PDE10A: variants seen among roughly 807,000 people sequenced by gnomAD.
PDE10A encodes the protein cAMP and cAMP-inhibited cGMP 3',5'-cyclic phosphodiesterase 10A.
A neutral mutation model predicts 97.7 loss-of-function variants in PDE10A; 39 were observed. That is an observed-to-expected ratio of 0.40 (90% CI 0.31 to 0.52). PDE10A has a LOEUF of 0.52. Ranked by LOEUF, PDE10A falls within the 20% of genes least tolerant of loss-of-function variation. The pLI is 0.56. For missense variants in PDE10A, 731 were observed against 1,047.8 expected (o/e 0.70, Z 4.17); for synonymous variants, 371 against 376.8 (o/e 0.98, Z 0.18).
At chr6:165,614,954 G>A (rs1393546419) in intron 1 of PDE10A, among the ~76,000 whole-genome samples, 1 of 152,134 alleles carries the variant, frequency 6.6e-6, no homozygotes, top group Non-Finnish European at 1.5e-5. Context: ...GCTCACGCCT[G>A]TAATACTAGC....
chr6:165,493,040 C>T (rs1007875518), intron 2 of PDE10A, among the ~76,000 whole-genome samples: 2 of 152,132 alleles, frequency 1.3e-5, no homozygotes, highest in African/African-American at 4.8e-5. Context: ...TATACACCAA[C>T]AGCGACCAAG....
At chr6:165,558,034 T>A (rs1022795687) in intron 1 of PDE10A, among the ~76,000 whole-genome samples, 2 of 152,156 alleles carry the variant, frequency 1.3e-5, no homozygotes, top group African/African-American at 4.8e-5. Context: ...ATGCCTAACC[T>A]ATGGAGCGTG....
At chr6:165,352,462 T>C (rs368520067) in intron 18 of PDE10A, among the ~76,000 whole-genome samples, 21 of 152,210 alleles carry the variant, frequency 1.4e-4, no homozygotes, top group African/African-American at 4.8e-4. Flanking sequence ...CCAAAAAAGA[T>C]CACCTAAGAA....
At chr6:165,634,572 T>C (rs1350214075) in intron 1 of PDE10A, among the ~76,000 whole-genome samples, 1 of 151,346 alleles carries the variant, frequency 6.6e-6, no homozygotes, top group Non-Finnish European at 1.5e-5. Context: ...TAAACTGAAA[T>C]GAAAAAGAAG....
At chr6:165,539,266 A>G (rs1269797888) in intron 2 of PDE10A, among the ~76,000 whole-genome samples, 2 of 152,226 alleles carry the variant, frequency 1.3e-5, no homozygotes, top group Non-Finnish European at 2.9e-5. Flanking sequence ...CTGAAATGAA[A>G]ATGCTATGAA....
Position 165,671,596 on chromosome 6 carries a change from G to A in PDE10A, c.-614-128028C>T, listed in dbSNP as rs557193151. On this transcript the variant is annotated intron_variant, in intron 1 of 19. Coordinates refer to the PDE10A transcript ENST00000366882. This position sits in a 1 kb window ranked among gnomAD's most constrained non-coding sequence, Gnocchi z 4.6. ...AATTAATTCACTTCCATCACTACTC[G>A]TAGAAGCCCTTAGAGGCAGCTTTAA... Among the ~76,000 whole-genome samples the A allele has an allele frequency of 6.7e-4, 102 of 152,074 alleles. No individual in the cohort carries two copies. The highest frequency in any genetic ancestry group is 9.3e-4 in the Non-Finnish European group (63 of 68,028).
At chr6:165,855,313 G>A (rs969848616) in intron 1 of PDE10A, among the ~76,000 whole-genome samples, 7 of 151,062 alleles carry the variant, frequency 4.6e-5, no homozygotes, top group African/African-American at 9.7e-5. Context: ...GGCGGGGGGG[G>A]GGGGGGACTC....
chr6:165,628,399 T>C (rs1788483221), intron 1 of PDE10A, among the ~76,000 whole-genome samples: 1 of 152,060 alleles, frequency 6.6e-6, no homozygotes, highest in Non-Finnish European at 1.5e-5. Flanking sequence ...CTGCCTAGGC[T>C]AGAGGGCAGT....
chr6:165,636,278 T>G (rs757733768), intron 1 of PDE10A, among the ~76,000 whole-genome samples: 1 of 152,124 alleles, frequency 6.6e-6, no homozygotes, highest in African/African-American at 2.4e-5. Context: ...TCACTGGCTA[T>G]GTGAAAAGGA....
chr6:165,525,199 A>T (rs868139139), intron 2 of PDE10A, among the ~76,000 whole-genome samples: 1 of 152,168 alleles, frequency 6.6e-6, no homozygotes, highest in Non-Finnish European at 1.5e-5. Context: ...TGTTTGAGTT[A>T]TCTAATTTAT....
intron 18 of PDE10A, among the ~76,000 whole-genome samples, chr6:165,368,507 A>T (rs1458724254): frequency 6.6e-6 from 1 of 152,218 alleles, no homozygotes; most frequent in Non-Finnish European, 1.5e-5. Flanking sequence ...AAAAATGCAT[A>T]CTGTAAACTC....
chr6:165,382,268 C>G (rs560220403), intron 17 of PDE10A, among the ~76,000 whole-genome samples: 5 of 152,264 alleles, frequency 3.3e-5, no homozygotes, highest in African/African-American at 1.2e-4. Context: ...CTCCTTCCAG[C>G]CCTTAATCAT....
intron 3 of PDE10A, among the ~76,000 whole-genome samples, chr6:165,451,124 C>A (rs1429579583): frequency 1.3e-5 from 2 of 152,126 alleles, no homozygotes; most frequent in Non-Finnish European, 2.9e-5. Context: ...TATGGCTCCA[C>A]CTTGGTCTGC....
intron 1 of PDE10A, among the ~76,000 whole-genome samples, chr6:165,619,241 GGTGTA>G (rs1787911125): frequency 9.1e-6 from 1 of 109,706 alleles, no homozygotes. Context: ...AGACTAGTGT[GGTGTA>G]GTGTAGTCTA....
At chr6:165,434,043 T>TAAA (rs1789819225) in intron 6 of PDE10A, among the ~76,000 whole-genome samples, 9 of 124,720 alleles carry the variant, frequency 7.2e-5, no homozygotes, top group African/African-American at 3.0e-4. Context: ...AAAAAAGAAG[T>TAAA]AGTACAGGGA....
chr6:165,532,605 T>C (rs1430707934), intron 2 of PDE10A, among the ~76,000 whole-genome samples: 1 of 151,958 alleles, frequency 6.6e-6, no homozygotes, highest in East Asian at 1.9e-4. Flanking sequence ...AGCATCAGAA[T>C]TACCTGGGGA....
chr6:165,357,335 G>A (rs887880546), intron 18 of PDE10A, among the ~76,000 whole-genome samples: 10 of 152,074 alleles, frequency 6.6e-5, no homozygotes, highest in African/African-American at 2.2e-4. Context: ...TAGATCCAAA[G>A]GGAATACTGA....
chr6:165,619,201 AAT>A (rs1787904688), intron 1 of PDE10A, among the ~76,000 whole-genome samples: 7 of 137,838 alleles, frequency 5.1e-5, no homozygotes, highest in African/African-American at 9.6e-5. Context: ...AGTGTAGTGT[AAT>A]GTAGTGCAGT....
chr6:165,341,350 T>G (rs1264722871), intron 19 of PDE10A, among the ~76,000 whole-genome samples: 1 of 152,254 alleles, frequency 6.6e-6, no homozygotes, highest in African/African-American at 2.4e-5. Flanking sequence ...CTCCAGCTTT[T>G]AATCCTGCAC....
Sources: allele counts gnomAD v4.1 joint callset (sites outside exome capture counted in the v4.1 genomes callset), GRCh38; gene constraint gnomAD v4.1.1; non-coding constraint Gnocchi (gnomAD v3.1); transcripts MANE v1.5; gene names NCBI Gene and HGNC (gene_info 2026-07-23, HGNC 2026-07-21).